TSPAN11: variants seen among roughly 807,000 people sequenced by gnomAD.
TSPAN11 encodes tetraspanin-11.
Under a neutral mutation model 32.9 loss-of-function variants are expected in TSPAN11, and 29 were observed. That is an observed-to-expected ratio of 0.88 (90% CI 0.66 to 1.20). TSPAN11 has a LOEUF of 1.20. TSPAN11 is among the 50% of genes most tolerant of loss of function. TSPAN11 has a pLI of 0.00. For synonymous variants in TSPAN11, 140 were observed against 141.3 expected, an observed-to-expected ratio of 0.99 and a Z score of 0.07; for missense variants, 283 against 329.1, an observed-to-expected ratio of 0.86 and a Z score of 1.08.
intron 3 of TSPAN11, 139 bp downstream of exon 3, chr12:30,964,156 T>A: frequency 8.9e-7 from 1 of 1,122,982 alleles, no homozygotes; most frequent in Non-Finnish European, 1.2e-6. Context: ...TGGCTGCTCC[T>A]GGGTCTGGGG....
chr12:30,969,552 G>A (rs988517901), intron 3 of TSPAN11, among the ~76,000 whole-genome samples: 12 of 152,252 alleles, frequency 7.9e-5, no homozygotes, highest in South Asian at 4.2e-4. Flanking sequence ...AGAGCTGACC[G>A]CTCAAGAGAC....
chr12:30,985,916 A>G (rs181323267), intron 7 of TSPAN11, among the ~76,000 whole-genome samples: 7 of 152,336 alleles, frequency 4.6e-5, no homozygotes, highest in African/African-American at 1.7e-4. Flanking sequence ...TTGCTATGGA[A>G]TGGCTTTTGG....
rs139057912 is a variant in TSPAN11 at position 30,937,348 on chromosome 12, C to G, written c.-12+10552C>G. On this transcript the variant is annotated intron_variant, in intron 1 of 7. Coordinates refer to ENST00000546076, the MANE Select transcript of TSPAN11 (RefSeq NM_001370302.1). The stretch of plus-strand genomic sequence containing the variant: ...AGGTTGAACTGTTGCATCTTAACAG[C>G]TGAGATTGTATCCTGGCTCACTATA... 4.4e-4 allele frequency among the ~76,000 whole-genome samples: 67 copies of G among 152,112 alleles called. No individual in the cohort carries two copies. The East Asian group carries it at 0.011, about 24-fold the overall frequency.
At chr12:30,969,877 G>A (rs185266915) in intron 3 of TSPAN11, among the ~76,000 whole-genome samples, 67 of 152,262 alleles carry the variant, frequency 4.4e-4, no homozygotes, top group African/African-American at 1.5e-3. Flanking sequence ...AACATGAGGC[G>A]CCTGTATTAA....
In TSPAN11 at chr12:30,995,531, CG is replaced by C. The variant is rs1280473901; in HGVS notation, c.*3620del. On this transcript the variant is annotated 3_prime_UTR_variant, in exon 8 of 8. Coordinates refer to ENST00000546076, the MANE Select transcript of TSPAN11 (RefSeq NM_001370302.1). ...TATGGTAGATCATTGTGATGTGCCT[CG>C]GGGCCCTCTTGCCTTGGAGCCAGCT... The C allele has an allele frequency of 6.6e-6, 1 of 152,262 alleles. No individual in the cohort carries two copies. The highest frequency in any genetic ancestry group is 1.5e-5 in the Non-Finnish European group (1 of 68,118). 9.4% of individuals were successfully genotyped at this position (152,262 alleles called of 1,614,324 possible).
chr12:30,946,018 C>T (rs1037422952), intron 1 of TSPAN11, among the ~76,000 whole-genome samples: 2 of 152,198 alleles, frequency 1.3e-5, no homozygotes, highest in Admixed American at 1.3e-4. Flanking sequence ...CAGGGCCAGC[C>T]TTGTGCTCCG....
chr12:30,967,714 ACG>A (rs1938763917), intron 3 of TSPAN11, among the ~76,000 whole-genome samples: 1 of 48,694 alleles, frequency 2.1e-5, no homozygotes, highest in African/African-American at 7.0e-5. Flanking sequence ...ATGCATATGC[ACG>A]CACACATGCA....
chr12:30,980,086 C>T (rs1939058537), intron 5 of TSPAN11, among the ~76,000 whole-genome samples: 1 of 152,194 alleles, frequency 6.6e-6, no homozygotes. Flanking sequence ...GCTGTGACTC[C>T]GTAAGAGTGA....
intron 4 of TSPAN11, chr12:30,978,971 C>T (rs1452098048): frequency 1.2e-5 from 4 of 334,578 alleles, no homozygotes; most frequent in Non-Finnish European, 2.2e-5. Flanking sequence ...GGGCCAGGGT[C>T]ACATGCCAGA....
intron 3 of TSPAN11, among the ~76,000 whole-genome samples, chr12:30,968,126 G>A (rs57393604): frequency 0.011 from 1,627 of 152,270 alleles, 28 homozygotes; most frequent in African/African-American, 0.037. Flanking sequence ...ACTTCCATTT[G>A]AAATCTTGAA....
chr12:30,940,336 C>T (rs138604975), intron 1 of TSPAN11, among the ~76,000 whole-genome samples: 43 of 152,250 alleles, frequency 2.8e-4, no homozygotes, highest in Middle Eastern at 3.4e-3. Context: ...ATTCAGCATC[C>T]GACACCCATA....
chr12:30,936,176 CCTT>C (rs1938040854), intron 1 of TSPAN11, among the ~76,000 whole-genome samples: 1 of 145,862 alleles, frequency 6.9e-6, no homozygotes. Context: ...TTCTCTGTCA[CCTT>C]CTTTGCTTAA....
the TSPAN11 span, among the ~76,000 whole-genome samples, chr12:31,005,150 A>T: frequency 6.6e-6 from 1 of 152,256 alleles, no homozygotes; most frequent in African/African-American, 2.4e-5. Flanking sequence ...GGGAAAAAAG[A>T]AATTAAGCCA....
chr12:30,979,692 C>T (rs1331864500), intron 5 of TSPAN11, 22 bp downstream of exon 5: 1 of 1,611,716 alleles, frequency 6.2e-7, no homozygotes, highest in Non-Finnish European at 8.5e-7. Context: ...CCCATATGGC[C>T]TTGAAGGCCA....
chr12:30,983,176 G>T, intron 7 of TSPAN11, 26 bp downstream of exon 7: 1 of 1,594,910 alleles, frequency 6.3e-7, no homozygotes, highest in South Asian at 1.1e-5. Context: ...GGGACTGGTG[G>T]GGGTGGAAGG....
At chr12:30,962,067 A>C (rs563990131) in intron 2 of TSPAN11, among the ~76,000 whole-genome samples, 1 of 152,044 alleles carries the variant, frequency 6.6e-6, no homozygotes, top group South Asian at 2.1e-4. Flanking sequence ...ACTAAGAAAA[A>C]CTACTGCCAA....
intron 1 of TSPAN11, among the ~76,000 whole-genome samples, chr12:30,945,522 C>T (rs1938248539): frequency 6.6e-6 from 1 of 152,198 alleles, no homozygotes; most frequent in South Asian, 2.1e-4. Context: ...GGACTCAGCT[C>T]TGCCCCTCAG....
At chr12:30,966,519 C>A (rs1938736411) in intron 3 of TSPAN11, among the ~76,000 whole-genome samples, 1 of 152,268 alleles carries the variant, frequency 6.6e-6, no homozygotes, top group Non-Finnish European at 1.5e-5. Context: ...AGGTCATATT[C>A]ACCCCCATTT....
chr12:30,978,458 G>C, intron 3 of TSPAN11, 103 bp from the exon 4 acceptor site: 1 of 1,134,084 alleles, frequency 8.8e-7, no homozygotes, highest in East Asian at 2.4e-5. Context: ...ATGGATGATA[G>C]GGGTCCCAGC....
Sources: allele counts gnomAD v4.1 joint callset (sites outside exome capture counted in the v4.1 genomes callset), GRCh38; gene constraint gnomAD v4.1.1; transcripts MANE v1.5; gene names NCBI Gene and HGNC (gene_info 2026-07-23, HGNC 2026-07-21).